The following CTAG2 variants were observed in gnomAD, a reference collection of about 807,000 sequenced individuals.
CTAG2 encodes the protein cancer/testis antigen 2.
CTAG2 carries 5 observed loss-of-function variants against 5.7 expected under a neutral mutation model. The observed-to-expected ratio is 0.88, with a 90% CI of 0.46 to 1.85. The LOEUF (loss-of-function observed/expected upper bound fraction) is 1.85. Ranked by LOEUF, CTAG2 falls within the 40% of genes most tolerant of loss-of-function variation. CTAG2 has a pLI of 0.01. For synonymous variants in CTAG2, 63 were observed against 80.9 expected, an observed-to-expected ratio of 0.78 and a Z score of 1.19; for missense variants, 151 against 169.9, an observed-to-expected ratio of 0.89 and a Z score of 0.62.
Position 154,652,071 on chromosome X carries a change from T to C in CTAG2, c.*58A>G, listed in dbSNP as rs1168083642. 111 of 1,188,620 alleles carry C rather than the reference T, an allele frequency of 9.3e-5. No individual in the cohort carries two copies. Among genetic ancestry groups the C allele is most frequent in the Non-Finnish European group, 1.2e-4 (104 of 884,271 alleles). ...GCCCCCACAATGAACTGGCCACTCGTGCTGGGACCATTCCCTAGGGGAGGA... is the reference window on the plus strand; with the variant it reads ...GCCCCCACAATGAACTGGCCACTCGCGCTGGGACCATTCCCTAGGGGAGGA... On this transcript the variant is annotated 3_prime_UTR_variant, in exon 3 of 3. Coordinates refer to ENST00000369585, the MANE Select transcript of CTAG2 (RefSeq NM_172377.5).
chrX:154,653,471 A>G lies in CTAG2; in HGVS notation c.45T>C (p.Ala15=), dbSNP rs1557241890. The change falls in exon 1 of 3, where the codon GCT becomes GCC. Residue 15 remains alanine, a synonymous_variant. Transcript: ENST00000369585. ...GRGTGGSTGD[A]DGPGGPGIPD... ...GAATGCCAGGGCCTCCTGGGCCATCAGCATCGCCCGTCGAACCCCCTGTGC... is the reference window on the plus strand; with the variant it reads ...GAATGCCAGGGCCTCCTGGGCCATCGGCATCGCCCGTCGAACCCCCTGTGC... 7 of 1,111,259 alleles carry G rather than the reference A, an allele frequency of 6.3e-6. No homozygotes were observed. The highest frequency in any genetic ancestry group is 8.3e-6 in the Non-Finnish European group (7 of 847,082). 91.6% of individuals were successfully genotyped at this position (1,111,259 alleles called of 1,213,427 possible).
rs61731291 is a variant in CTAG2 at position 154,653,369 on chromosome X, C to T, written c.147G>A (p.Gly49=). 8,041 of 1,182,475 alleles carry T rather than the reference C, an allele frequency of 6.8e-3. 39 individuals carry two copies. The highest frequency in any genetic ancestry group is 7.9e-3 in the Non-Finnish European group (6,992 of 882,416). The change falls in exon 1 of 3, where the codon GGG becomes GGA. Residue 49 remains glycine, a synonymous_variant. Coordinates refer to ENST00000369585, the MANE Select transcript of CTAG2 (RefSeq NM_172377.5). ...CTCTCGGCCCCGAGGCCCTTGCTGCCCCTGCGCCCCGGGGACCTCTGCCGC... is the reference window on the plus strand; with the variant it reads ...CTCTCGGCCCCGAGGCCCTTGCTGCTCCTGCGCCCCGGGGACCTCTGCCGC... ...ATGGRGPRGA[G]AARASGPRGG...
chrX:154,652,643 C>T lies in CTAG2; in HGVS notation c.270-12G>A, dbSNP rs1557241566. 8.4e-7 allele frequency: 1 copy of T among 1,183,583 alleles called. No homozygotes were observed. ...GCATCGTGATGTGCCTGGTGGGGAC[C>T]CAGTTAAGGTGCCATCTCCTAGGAT... On this transcript the variant is annotated splice_polypyrimidine_tract_variant and intron_variant, in intron 1 of 2. Transcript: ENST00000369585.
rs2070162982 is a variant in CTAG2 at position 154,652,610 on chromosome X, C to T, written c.291G>A (p.Ser97=). 13 of 1,201,435 alleles carry T rather than the reference C, an allele frequency of 1.1e-5. No individual in the cohort carries two copies. The East Asian group carries it at 3.9e-4, about 36-fold the overall frequency. The change falls in exon 2 of 3, where the codon TCG becomes TCA. Residue 97 remains serine, a synonymous_variant. Transcript: ENST00000369585. ...GGACCAGCTCCGCTTCCATGGGCGA[C>T]GAGAAAGGCATCGTGATGTGCCTGG... ...LLELHITMPF[S]SPMEAELVRR... is the part of the protein sequence containing the mutation.
At position 154,652,284 on chromosome X, in the gene CTAG2, G is replaced by C; in HGVS notation, c.405-17C>G. The C allele has an allele frequency of 8.3e-7, 1 of 1,211,441 alleles. No homozygotes were observed. Among genetic ancestry groups the C allele is most frequent in the African/African-American group, 1.7e-5 (1 of 57,747 alleles). On this transcript the variant is annotated splice_polypyrimidine_tract_variant and intron_variant, in intron 2 of 2. Transcript: ENST00000369585. ...GTCAGTCGGCTAAATGTGAGGGGCAGAGAACATCACATTAAAGGCGACACC... is the reference window on the plus strand; with the variant it reads ...GTCAGTCGGCTAAATGTGAGGGGCACAGAACATCACATTAAAGGCGACACC...
In CTAG2 at chrX:154,653,397, G is replaced by A. The variant is rs1557241848; in HGVS notation, c.119C>T (p.Thr40Met). ...TGCGCCCCGGGGACCTCTGCCGCCC[G>A]TGGCACCCGCCTCTCCTGGGCCGCC... Reference protein sequence around the residue: ...NAGGPGEAGATGGRGPRGAGA... With the variant: ...NAGGPGEAGAMGGRGPRGAGA... The change falls in exon 1 of 3, where the codon ACG becomes ATG. Residue 40 changes from threonine to methionine, a missense_variant. Transcript: ENST00000369585. 1.2e-5 allele frequency: 14 copies of A among 1,146,940 alleles called. No individual in the cohort carries two copies. The highest frequency in any genetic ancestry group is 4.0e-5 in the South Asian group (2 of 49,974). 94.5% of individuals were successfully genotyped at this position (1,146,940 alleles called of 1,213,427 possible). A position where few individuals can be genotyped will look rare whatever the true frequency, so the allele number is the denominator to read the frequency against.
Position 154,652,244 on chromosome X carries a change from C to A in CTAG2, c.428G>T (p.Arg143Leu), listed in dbSNP as rs151065825. 4.7e-5 allele frequency: 57 copies of A among 1,208,441 alleles called. No homozygotes were observed. The highest frequency in any genetic ancestry group is 5.9e-5 in the Non-Finnish European group (53 of 894,718). ...GGAGCTGATGGAGAGCTGCAGTTGGCGGTGGTCTGCAGCAGTCAGTCGGCT... is the reference window on the plus strand; with the variant it reads ...GGAGCTGATGGAGAGCTGCAGTTGGAGGTGGTCTGCAGCAGTCAGTCGGCT... ...LFIRLTAADHRQLQLSISSCL... is the reference protein window; with the variant it reads ...LFIRLTAADHLQLQLSISSCL... Residue 143 changes from arginine to leucine, a missense_variant, in exon 3 of 3, where the codon CGC (arginine) becomes CTC (leucine). Transcript: ENST00000369585.
chrX:154,652,481 C>T lies in CTAG2; in HGVS notation c.404+16G>A, dbSNP rs782495026. The T allele has an allele frequency of 7.4e-6, 9 of 1,209,365 alleles. No individual in the cohort carries two copies. Among genetic ancestry groups the T allele is most frequent in the Non-Finnish European group, 1.0e-5 (9 of 894,817 alleles). On this transcript the variant is annotated intron_variant, in intron 2 of 2. Transcript: ENST00000369585. ...TCATCCGCCCAGCGCCTTCCCTGTC[C>T]TGGTCCCGAACTGACATAAACAGTA...
At position 154,652,508 on chromosome X, in the gene CTAG2, G is replaced by A. The variant is rs2070160687; in HGVS notation, c.393C>T (p.Asn131=). The change falls in exon 2 of 3, where the codon AAC becomes AAT. Residue 131 remains asparagine, a synonymous_variant. Transcript: ENST00000369585. The stretch of plus-strand genomic sequence containing the variant: ...GGTCCCGAACTGACATAAACAGTAG[G>A]TTGCCGGACACGGTGAAGTCCTTCA... ...AVLKDFTVSG[N]LLFIRLTAAD... 1.7e-6 allele frequency: 2 copies of A among 1,211,161 alleles called. No homozygotes were observed. The highest frequency in any genetic ancestry group is 2.2e-6 in the Non-Finnish European group (2 of 895,175).
At position 154,653,532 on chromosome X, in the gene CTAG2, C is replaced by G; in HGVS notation, c.-17G>C. 9.9e-7 allele frequency: 1 copy of G among 1,007,354 alleles called. No homozygotes were observed. Among genetic ancestry groups the G allele is most frequent in the African/African-American group, 2.1e-5 (1 of 47,094 alleles). The allele number at this position is 1,007,354 out of a possible 1,213,427, so 83.0% of individuals were successfully genotyped here. On this transcript the variant is annotated 5_prime_UTR_variant, in exon 1 of 3. Coordinates refer to ENST00000369585, the MANE Select transcript of CTAG2 (RefSeq NM_172377.5). ...GGCCTGCATGGCTCCGGAGCCTCTGCCCGGCTCTCAGAGAGAAGGTCAGGG... is the reference window on the plus strand; with the variant it reads ...GGCCTGCATGGCTCCGGAGCCTCTGGCCGGCTCTCAGAGAGAAGGTCAGGG...
rs1374903016 is a variant in CTAG2, at chrX:154,653,235, A to AGAACAGG, written c.269+5_269+11dup. On this transcript the variant is annotated intron_variant, in intron 1 of 2. Transcript: ENST00000369585. ...CCACCAGAACCTCCTAGAACAGAAC[A>AGAACAGG]GAACAGGATACAACTCAAGCAGGCG... 8.3e-7 allele frequency: 1 copy of AGAACAGG among 1,202,135 alleles called. No individual in the cohort carries two copies. The highest frequency in any genetic ancestry group is 2.2e-5 in the Admixed American group (1 of 44,935).
chrX:154,652,489 G>A lies in CTAG2; in HGVS notation c.404+8C>T, dbSNP rs782686361. ...CCAGCGCCTTCCCTGTCCTGGTCCC[G>A]AACTGACATAAACAGTAGGTTGCCG... On this transcript the variant is annotated splice_region_variant and intron_variant, in intron 2 of 2. Transcript: ENST00000369585. 2.5e-6 allele frequency: 3 copies of A among 1,210,808 alleles called. No homozygotes were observed. The highest frequency in any genetic ancestry group is 3.0e-5 in the East Asian group (1 of 33,765).
rs781980292 is a variant in CTAG2, at chrX:154,652,618, G to C, written c.283C>G (p.Pro95Ala). 2.1e-5 allele frequency: 25 copies of C among 1,195,915 alleles called. No homozygotes were observed. The highest frequency in any genetic ancestry group is 2.7e-5 in the Non-Finnish European group (24 of 887,049). ...TCCGCTTCCATGGGCGACGAGAAAG[G>C]CATCGTGATGTGCCTGGTGGGGACC... ...SRLLELHITM[P>A]FSSPMEAELV... Residue 95 changes from proline (P) to alanine (A), a missense_variant, in exon 2 of 3, where the codon CCT becomes GCT. Coordinates refer to ENST00000369585, the MANE Select transcript of CTAG2 (RefSeq NM_172377.5).
rs781786623 is a variant in CTAG2, at chrX:154,653,347, T to C, written c.169A>G (p.Arg57Gly). ...TGCGGACCCCGCGGGGCGCCTCCTC[T>C]CGGCCCCGAGGCCCTTGCTGCCCCT... ...GAGAARASGP[R>G]GGAPRGPHGG... Residue 57 changes from arginine to glycine, a missense_variant, in exon 1 of 3, where the codon AGA becomes GGA. Physicochemically the swap from Arg to Gly is moderately radical, Grantham distance 125. Coordinates refer to ENST00000369585, the MANE Select transcript of CTAG2 (RefSeq NM_172377.5). 7.3e-4 allele frequency: 880 copies of C among 1,199,186 alleles called. 2 individuals are homozygous for C. In the South Asian group the frequency reaches 0.011, roughly 14 times the overall value.
Position 154,652,545 on chromosome X carries a change from G to C in CTAG2, c.356C>G (p.Pro119Arg), listed in dbSNP as rs782761748. 3 of 1,208,938 alleles carry C rather than the reference G, an allele frequency of 2.5e-6. No homozygotes were observed. Among genetic ancestry groups the C allele is most frequent in the African/African-American group, 3.5e-5 (2 of 57,076 alleles). Residue 119 changes from proline to arginine, a missense_variant, in exon 2 of 3, where the codon CCA becomes CGA. This residue lies in a region of CTAG2 where 147 missense variants were observed against 151.0 expected (regional missense o/e 0.97). Transcript: ENST00000369585. ...GGTGAAGTCCTTCAGAACCGCCCCTGGTCGGGGGAGCGGTGCGGCATCCCG... is the reference window on the plus strand; with the variant it reads ...GGTGAAGTCCTTCAGAACCGCCCCTCGTCGGGGGAGCGGTGCGGCATCCCG... The part of the protein sequence containing the change: ...LSRDAAPLPR[P>R]GAVLKDFTVS...
intron 1 of CTAG2, 32 bp downstream of exon 1, chrX:154,653,215 A>G (rs1436944526): frequency 8.4e-7 from 1 of 1,183,437 alleles, no homozygotes; most frequent in Non-Finnish European, 1.1e-6. Context: ...CCTCGCCACC[A>G]GAACCTCCTA....
At position 154,652,621 on chromosome X, in the gene CTAG2, T is replaced by A. The variant is rs149566748; in HGVS notation, c.280A>T (p.Met94Leu). The A allele has an allele frequency of 1.1e-5, 13 of 1,197,266 alleles. No individual in the cohort carries two copies. The South Asian group carries it at 2.2e-4, about 20-fold the overall frequency. Residue 94 changes from methionine (M) to leucine (L), a missense_variant, in exon 2 of 3, where the codon ATG becomes TTG. This residue lies in a region of CTAG2 where 147 missense variants were observed against 151.0 expected (regional missense o/e 0.97). Coordinates refer to ENST00000369585, the MANE Select transcript of CTAG2 (RefSeq NM_172377.5). ...GCTTCCATGGGCGACGAGAAAGGCA[T>A]CGTGATGTGCCTGGTGGGGACCCAG... Reference protein sequence around the residue: ...DSRLLELHITMPFSSPMEAEL... With the variant: ...DSRLLELHITLPFSSPMEAEL...
In CTAG2 at chrX:154,653,303, C is replaced by T. The variant is rs140132753; in HGVS notation, c.213G>A (p.Ala71=). The T allele has an allele frequency of 3.1e-5, 37 of 1,206,079 alleles. No homozygotes were observed. The highest frequency in any genetic ancestry group is 2.4e-4 in the East Asian group (8 of 33,569). Reference sequence around the variant, plus strand: ...CCCCGCAGGGGCACCTTCCATCCTGCGCAGAAGCGGCACCGCCATGCGGAC... The same window carrying T: ...CCCCGCAGGGGCACCTTCCATCCTGTGCAGAAGCGGCACCGCCATGCGGAC... ...PRGPHGGAAS[A]QDGRCPCGAR... The change falls in exon 1 of 3, where the codon GCG becomes GCA. Residue 71 remains alanine (A), a synonymous_variant. Coordinates refer to ENST00000369585, the MANE Select transcript of CTAG2 (RefSeq NM_172377.5).
chrX:154,653,377 C>A lies in CTAG2; in HGVS notation c.139G>T (p.Gly47Cys), dbSNP rs2070173359. 1.4e-5 allele frequency: 16 copies of A among 1,174,546 alleles called. No individual in the cohort carries two copies. The highest frequency in any genetic ancestry group is 1.8e-5 in the Non-Finnish European group (16 of 878,704). The part of the protein sequence containing the change: ...AGATGGRGPR[G>C]AGAARASGPR... ...CCCGAGGCCCTTGCTGCCCCTGCGC[C>A]CCGGGGACCTCTGCCGCCCGTGGCA... Residue 47 changes from glycine to cysteine, a missense_variant, in exon 1 of 3, where the codon GGC becomes TGC. Physicochemically the swap from Gly to Cys is radical, Grantham distance 159. Transcript: ENST00000369585.
Sources: allele counts gnomAD v4.1 joint callset, GRCh38; gene constraint gnomAD v4.1.1; regional missense constraint gnomAD v4.1.1; transcripts MANE v1.5; gene names NCBI Gene and HGNC (gene_info 2026-07-23, HGNC 2026-07-21).